SLC26A1: variants seen among roughly 807,000 people sequenced by gnomAD.
SLC26A1 encodes sulfate anion transporter 1.
Under a neutral mutation model 14.5 loss-of-function variants are expected in SLC26A1, and 18 were observed. That is an observed-to-expected ratio of 1.24 (90% confidence interval 0.86 to 1.84). SLC26A1 has a LOEUF of 1.84. SLC26A1 is among the 40% of genes most tolerant of loss of function. SLC26A1 has a pLI of 0.00. For missense variants in SLC26A1, 1,049 were observed against 1,020.0 expected, an observed-to-expected ratio of 1.03 and a Z score of -0.39; for synonymous variants, 505 against 492.0, an observed-to-expected ratio of 1.03 and a Z score of -0.35.
Position 987,779 on chromosome 4 carries a change from G to C in SLC26A1, c.*1054C>G, listed in dbSNP as rs756476304. ...CGCGCTGCCAGCCATGCTGAGGCTC[G>C]GGACTGAGCCGCCCCTTTGTTGTCC... On this transcript the variant is annotated 3_prime_UTR_variant, in exon 3 of 3. Transcript: ENST00000398516. 2 of 1,610,860 alleles carry C rather than the reference G, an allele frequency of 1.2e-6. No individual in the cohort carries two copies. Among genetic ancestry groups the C allele is most frequent in the Non-Finnish European group, 8.5e-7 (1 of 1,179,452 alleles).
At chr4:981,463 C>A (rs914919366) in intron 2 of SLC26A1, among the ~76,000 whole-genome samples, 1 of 150,948 alleles carries the variant, frequency 6.6e-6, no homozygotes, top group African/African-American at 2.4e-5. Context: ...CAGAGAGGGA[C>A]CCTATCTACA....
At position 988,630 on chromosome 4, in the gene SLC26A1, T is replaced by C; in HGVS notation, c.*203A>G. 2.2e-6 allele frequency: 3 copies of C among 1,377,264 alleles called. No homozygotes were observed. The highest frequency in any genetic ancestry group is 2.8e-6 in the Non-Finnish European group (3 of 1,070,886). The allele number at this position is 1,377,264 out of a possible 1,614,324, so 85.3% of individuals were successfully genotyped here. A position where few individuals can be genotyped will look rare whatever the true frequency, so the allele number is the denominator to read the frequency against. ...CAGCCTGTCTCGGAGGCAGAGGTTC[T>C]TGATTTCTGAGTGTTTGGGTCCTGC... On this transcript the variant is annotated 3_prime_UTR_variant, in exon 3 of 3. Coordinates refer to ENST00000398516, the MANE Select transcript of SLC26A1 (RefSeq NM_022042.4).
downstream of SLC26A1, chr4:986,958 GCCATCGCCCCCTCA>G (rs1236147192): frequency 1.6e-6 from 1 of 621,526 alleles, no homozygotes; most frequent in East Asian, 4.7e-5. Flanking sequence ...CTCCCACCCG[GCCATCGCCCCCTCA>G]CCAAGGCCCC....
chr4:991,560 C>T lies in SLC26A1; in HGVS notation c.144G>A (p.Ala48=), dbSNP rs550460635. 13 of 1,603,700 alleles carry T rather than the reference C, an allele frequency of 8.1e-6. No homozygotes were observed. The highest frequency in any genetic ancestry group is 6.6e-5 in the South Asian group (6 of 90,668). ...TGGCGGGGAGCAGGTCCTGCACCAGCGCCCGGACGCACAGCACACTGCACG... is the reference window on the plus strand; with the variant it reads ...TGGCGGGGAGCAGGTCCTGCACCAGTGCCCGGACGCACAGCACACTGCACG... ...SCSCSVLCVR[A]LVQDLLPATR... The change falls in exon 2 of 3, where the codon GCG becomes GCA. Residue 48 remains alanine (A), a synonymous_variant. Coordinates refer to ENST00000398516, the MANE Select transcript of SLC26A1 (RefSeq NM_022042.4).
At chr4:982,510 C>A (rs988651850) in intron 2 of SLC26A1, among the ~76,000 whole-genome samples, 3 of 152,212 alleles carry the variant, frequency 2.0e-5, no homozygotes, top group Non-Finnish European at 2.9e-5. Flanking sequence ...GCCCGGTGGA[C>A]GGCTGCTGCT....
chr4:985,317 C>T (rs955717722), downstream of SLC26A1, among the ~76,000 whole-genome samples: 1 of 152,288 alleles, frequency 6.6e-6, no homozygotes, highest in Non-Finnish European at 1.5e-5. Flanking sequence ...GCCCCGCCCC[C>T]TCCCGGCTTG....
At chr4:986,815 AC>A, downstream of SLC26A1, 1 of 614,240 alleles carries the variant, frequency 1.6e-6, no homozygotes, top group Middle Eastern at 2.6e-4. Flanking sequence ...CATAGCACCA[AC>A]GGGCGAAGCG....
intron 2 of SLC26A1, among the ~76,000 whole-genome samples, chr4:980,463 G>A (rs957946569): frequency 3.3e-5 from 5 of 152,016 alleles, no homozygotes; most frequent in African/African-American, 7.2e-5. Context: ...GCGGGCGCCT[G>A]TAGTCCCAGC....
chr4:979,244 G>A, exon 3 of SLC26A1: 1 of 584,014 alleles, frequency 1.7e-6, no homozygotes. Flanking sequence ...GCTTGCTCAG[G>A]CTTCTCTCCT....
downstream of SLC26A1, chr4:987,243 G>A (rs1264013707): frequency 3.3e-6 from 5 of 1,514,302 alleles, no homozygotes; most frequent in Non-Finnish European, 3.5e-6. Flanking sequence ...CAGGCTTCTG[G>A]TGAGCGCTCC....
At position 988,211 on chromosome 4, in the gene SLC26A1, C is replaced by G; in HGVS notation, c.*622G>C. ...CGCCGCACCTGGCTCCTGGTGCACC[C>G]GTGAGCATCCCTGTGTGTGTCTGCT... On this transcript the variant is annotated 3_prime_UTR_variant, in exon 3 of 3. Coordinates refer to ENST00000398516, the MANE Select transcript of SLC26A1 (RefSeq NM_022042.4). The G allele has an allele frequency of 2.2e-6, 3 of 1,338,856 alleles. No homozygotes were observed. Among genetic ancestry groups the G allele is most frequent in the South Asian group, 3.5e-5 (2 of 56,740 alleles). 82.9% of individuals were successfully genotyped at this position (1,338,856 alleles called of 1,614,324 possible). A position where few individuals can be genotyped will look rare whatever the true frequency, so the allele number is the denominator to read the frequency against.
downstream of SLC26A1, chr4:987,577 G>GCAGGGA: frequency 7.3e-7 from 1 of 1,373,982 alleles, no homozygotes; most frequent in African/African-American, 1.5e-5. Flanking sequence ...CGCCTTCCTG[G>GCAGGGA]CAGGGCCAGG....
At position 988,063 on chromosome 4, in the gene SLC26A1, A is replaced by G; in HGVS notation, c.*770T>C. The G allele has an allele frequency of 6.8e-7, 1 of 1,472,454 alleles. No individual in the cohort carries two copies. The highest frequency in any genetic ancestry group is 1.4e-5 in the South Asian group (1 of 73,794). The allele number at this position is 1,472,454 out of a possible 1,614,324, so 91.2% of individuals were successfully genotyped here. A position where few individuals can be genotyped will look rare whatever the true frequency, so the allele number is the denominator to read the frequency against. ...TTGTTCCCCCACCTCCCGCCGAAGC[A>G]CCCTGTTGGGGAGAGCGTGTCCTTG... On this transcript the variant is annotated 3_prime_UTR_variant, in exon 3 of 3. Transcript: ENST00000398516.
In SLC26A1 at chr4:988,960, C is replaced by T. The variant is rs776965512; in HGVS notation, c.1979G>A (p.Gly660Glu). ...SPPVRDILSR[G>E]GFLGEGPGDT... The stretch of plus-strand genomic sequence containing the variant: ...CCCGGGGCCCTCCCCGAGGAAGCCT[C>T]CTCTGCTCAGAATGTCTCTCACAGG... The change falls in exon 3 of 3, where the codon GGA (glycine) becomes GAA (glutamate). Residue 660 changes from glycine to glutamate, a missense_variant. By Grantham distance (98) the Gly-to-Glu change is moderately conservative. Coordinates refer to ENST00000398516, the MANE Select transcript of SLC26A1 (RefSeq NM_022042.4). 1.9e-6 allele frequency: 3 copies of T among 1,596,502 alleles called. No individual in the cohort carries two copies. The South Asian group carries it at 3.4e-5, about 18-fold the overall frequency.
chr4:990,988 G>T, intron 2 of SLC26A1, 140 bp downstream of exon 2: 3 of 892,062 alleles, frequency 3.4e-6, no homozygotes, highest in Non-Finnish European at 4.9e-6. Context: ...GCACGCCCCA[G>T]CTCTGCCCAA....
At position 988,871 on chromosome 4, in the gene SLC26A1, G is replaced by A. The variant is rs548078722; in HGVS notation, c.2068C>T (p.Arg690Cys). 6.9e-5 allele frequency: 110 copies of A among 1,598,046 alleles called. No individual in the cohort carries two copies. Among genetic ancestry groups the A allele is most frequent in the African/African-American group, 1.9e-4 (14 of 74,696 alleles). ...TCGGTGGCCTCCAGCTCCCTGTGGCGGGCTCGTGCTGTCTGCACGGCATCG... is the reference window on the plus strand; with the variant it reads ...TCGGTGGCCTCCAGCTCCCTGTGGCAGGCTCGTGCTGTCTGCACGGCATCG... ...VHDAVQTARA[R>C]HRELEATDAH... Residue 690 changes from arginine (R) to cysteine (C), a missense_variant, in exon 3 of 3, where the codon CGC becomes TGC. By Grantham distance (180) the Arg-to-Cys change is radical (BLOSUM62 -3). Transcript: ENST00000398516.
intron 2 of SLC26A1, among the ~76,000 whole-genome samples, chr4:980,101 T>C (rs906819289): frequency 1.3e-5 from 2 of 152,190 alleles, no homozygotes; most frequent in Non-Finnish European, 2.9e-5. Context: ...CCAGGTGAGA[T>C]CAGGACGGGA....
rs756283453 is a variant in SLC26A1, at chr4:991,973, A to G, written c.-27-243T>C. ...GGGATTACGACACCAAGCCCATGCC[A>G]TGGGGTGTGCTGAGGCCAGCAGTGC... is the stretch of plus-strand genomic sequence containing the variant. On this transcript the variant is annotated intron_variant, in intron 1 of 2. Coordinates refer to ENST00000398516, the MANE Select transcript of SLC26A1 (RefSeq NM_022042.4). The G allele has an allele frequency of 5.3e-5, 40 of 749,566 alleles. No individual in the cohort carries two copies. In the African/African-American group the frequency reaches 5.9e-4, roughly 11 times the overall value. 46.4% of individuals were successfully genotyped at this position (749,566 alleles called of 1,614,324 possible).
At chr4:981,027 A>G (rs992592219) in intron 2 of SLC26A1, among the ~76,000 whole-genome samples, 2 of 152,186 alleles carry the variant, frequency 1.3e-5, no homozygotes, top group Non-Finnish European at 2.9e-5. Flanking sequence ...GCAGGGTCTC[A>G]ACCAGCGACT....
Sources: allele counts gnomAD v4.1 joint callset (sites outside exome capture counted in the v4.1 genomes callset), GRCh38; gene constraint gnomAD v4.1.1; transcripts MANE v1.5; gene names NCBI Gene and HGNC (gene_info 2026-07-23, HGNC 2026-07-21).